The following TTC3 variants were observed in gnomAD, a reference collection of about 807,000 sequenced individuals.
TTC3 encodes E3 ubiquitin-protein ligase TTC3.
Under a neutral mutation model 249.6 loss-of-function variants are expected in TTC3, and 180 were observed. That is an observed-to-expected ratio of 0.72 (90% CI 0.64 to 0.82). The LOEUF is 0.82. TTC3 is among the 40% of genes least tolerant of loss of function. TTC3 has a pLI of 0.00. For missense variants in TTC3, 2,061 were observed against 2,398.4 expected, an observed-to-expected ratio of 0.86 and a Z score of 2.94; for synonymous variants, 717 against 805.0, an observed-to-expected ratio of 0.89 and a Z score of 1.85.
At chr21:37,160,909 A>C (rs2080674633) in intron 30 of TTC3, 51 bp downstream of exon 30, 1 of 1,549,480 alleles carries the variant, frequency 6.5e-7, no homozygotes, top group African/African-American at 1.4e-5. Flanking sequence ...CAAAATAGTT[A>C]GTTGGACATA....
At chr21:37,188,656 G>T in intron 39 of TTC3, 61 bp downstream of exon 39, 2 of 1,285,300 alleles carry the variant, frequency 1.6e-6, no homozygotes, top group South Asian at 1.3e-5. Flanking sequence ...AGGACCATTT[G>T]AGAAAAACAT....
At chr21:37,177,589 G>A (rs1269255847) in intron 35 of TTC3, among the ~76,000 whole-genome samples, 1 of 152,162 alleles carries the variant, frequency 6.6e-6, no homozygotes, top group African/African-American at 2.4e-5. Context: ...AATGGATAAT[G>A]TTTGTCATTC....
intron 17 of TTC3, among the ~76,000 whole-genome samples, chr21:37,134,381 T>G (rs912959759): frequency 6.6e-6 from 1 of 151,352 alleles, no homozygotes; most frequent in Non-Finnish European, 1.5e-5. Flanking sequence ...AACCCCGAGG[T>G]GGAGGTTGCA....
In TTC3 at chr21:37,096,110, G is replaced by A. The variant is rs151047372; in HGVS notation, c.783-471G>A. 1.5e-3 allele frequency among the ~76,000 whole-genome samples: 222 copies of A among 152,342 alleles called. 2 individuals are homozygous for A. The highest frequency in any genetic ancestry group is 4.9e-3 in the African/African-American group (204 of 41,584). On this transcript the variant is annotated intron_variant, in intron 9 of 45. Coordinates refer to ENST00000355666, the Ensembl canonical transcript of TTC3. ...GCCCTATTCTTTTGAGGAAGAAGTG[G>A]AGGAAAGGGAGATACGTTTCACCAC...
chr21:37,145,821 C>A lies in TTC3; in HGVS notation c.1893+1176C>A, dbSNP rs1229238723. 3.3e-5 allele frequency among the ~76,000 whole-genome samples: 5 copies of A among 152,260 alleles called. No individual in the cohort carries two copies. In the East Asian group the frequency reaches 9.7e-4, roughly 29 times the overall value. On this transcript the variant is annotated intron_variant, in intron 21 of 45. Transcript: ENST00000355666. ...GTGCCAGGCTCTTTTTAACAACCAA[C>A]TCTTTAGGGAACTAATGGAGTGAGA...
chr21:37,099,079 A>G (rs963493676), intron 10 of TTC3: 1 of 152,236 alleles, frequency 6.6e-6, no homozygotes, highest in Non-Finnish European at 1.5e-5. Flanking sequence ...AAATGGGACA[A>G]TTTAATACTA....
At chr21:37,139,366 G>C (rs2078231023) in intron 19 of TTC3, among the ~76,000 whole-genome samples, 1 of 152,044 alleles carries the variant, frequency 6.6e-6, no homozygotes, top group Non-Finnish European at 1.5e-5. Flanking sequence ...CTCCTGCCTG[G>C]CTCTCCTGGA....
At chr21:37,089,282 A>C (rs1444504750) in intron 5 of TTC3, among the ~76,000 whole-genome samples, 1 of 152,134 alleles carries the variant, frequency 6.6e-6, no homozygotes, top group Non-Finnish European at 1.5e-5. Flanking sequence ...AGATTTGAGG[A>C]GGTGTCCTTC....
intron 13 of TTC3, 53 bp downstream of exon 13, chr21:37,123,081 T>C: frequency 6.4e-7 from 1 of 1,574,788 alleles, no homozygotes; most frequent in Non-Finnish European, 8.7e-7. Flanking sequence ...CTTTGCTGCA[T>C]GAATTTAAGA....
At chr21:37,084,787 G>A (rs1226178951) in intron 1 of TTC3, among the ~76,000 whole-genome samples, 1 of 152,202 alleles carries the variant, frequency 6.6e-6, no homozygotes, top group Non-Finnish European at 1.5e-5. Context: ...AAGGTCAGGA[G>A]TTCAAGACCA....
exon 46 of TTC3, chr21:37,202,094 A>T (rs1230436333): frequency 6.6e-6 from 1 of 152,204 alleles, no homozygotes; most frequent in Non-Finnish European, 1.5e-5. Flanking sequence ...CTATATTTTA[A>T]TAATTTATAG....
intron 35 of TTC3, among the ~76,000 whole-genome samples, chr21:37,178,938 G>A (rs2148136686): frequency 6.6e-6 from 1 of 151,944 alleles, no homozygotes; most frequent in East Asian, 1.9e-4. Context: ...CCCAGCCTGG[G>A]CAACAACAGA....
At chr21:37,131,596 G>C (rs1268267526) in intron 16 of TTC3, among the ~76,000 whole-genome samples, 3 of 152,058 alleles carry the variant, frequency 2.0e-5, no homozygotes, top group Admixed American at 2.0e-4. Context: ...TGAGCCTGAA[G>C]AGGGACTCAT....
chr21:37,099,710 G>A (rs1011902664), intron 10 of TTC3, among the ~76,000 whole-genome samples: 2 of 152,282 alleles, frequency 1.3e-5, no homozygotes, highest in East Asian at 1.9e-4. Context: ...TGGAGAAAGT[G>A]TAAATTGGTA....
chr21:37,141,478 G>GT (rs961865915), intron 20 of TTC3, among the ~76,000 whole-genome samples: 22 of 150,756 alleles, frequency 1.5e-4, no homozygotes, highest in South Asian at 6.3e-4. Flanking sequence ...ATTAAAGAAA[G>GT]TTTTTTTTTG....
At chr21:37,153,227 A>C (rs2079650915) in exon 27 of TTC3, 2 of 1,614,088 alleles carry the variant, frequency 1.2e-6, no homozygotes, top group East Asian at 4.5e-5. Context: ...AGTGAGCTTA[A>C]AGAAGTGGAG....
At chr21:37,158,099 A>G in intron 28 of TTC3, 1 of 984,836 alleles carries the variant, frequency 1.0e-6, no homozygotes, top group Non-Finnish European at 1.2e-6. Context: ...AGAAAAGAGC[A>G]CACTCAAATA....
intron 4 of TTC3, 138 bp from the exon 5 acceptor site, chr21:37,088,661 T>C (rs956496446): frequency 1.3e-6 from 1 of 774,568 alleles, no homozygotes. Flanking sequence ...ATTTAATAAA[T>C]AGCTTAGTTA....
At chr21:37,173,715 G>A (rs2082001385) in intron 35 of TTC3, among the ~76,000 whole-genome samples, 1 of 152,158 alleles carries the variant, frequency 6.6e-6, no homozygotes, top group African/African-American at 2.4e-5. Context: ...TAAGATTTTA[G>A]TAGAAATCTT....
Sources: gnomAD v4.1 joint callset for allele counts (sites outside exome capture counted in the v4.1 genomes callset) on GRCh38, gnomAD v4.1.1 for gene constraint, MANE v1.5 for transcripts, NCBI Gene and HGNC (gene_info 2026-07-23, HGNC 2026-07-21) for gene names.